The following NRXN3 variants were observed in gnomAD, a reference collection of about 807,000 sequenced individuals.
NRXN3 encodes neurexin III.
In NRXN3, 32 loss-of-function variants were observed where a neutral mutation model predicts 137.6. The ratio of observed to expected loss-of-function variants is 0.23; its 90% confidence interval spans 0.18 to 0.31. NRXN3 has a LOEUF of 0.31. Among genes scored for constraint, NRXN3 ranks in the 10% least tolerant of loss-of-function variants. The pLI, the probability that NRXN3 is intolerant of heterozygous loss-of-function variation, is 1.00. For missense variants in NRXN3, 1,574 were observed against 2,062.5 expected (o/e 0.76, Z 4.59); for synonymous variants, 798 against 784.5 (o/e 1.02, Z -0.29).
intron 15 of NRXN3, among the ~76,000 whole-genome samples, chr14:79,126,524 A>T (rs2056512827): frequency 6.6e-6 from 1 of 152,162 alleles, no homozygotes; most frequent in African/African-American, 2.4e-5. Flanking sequence ...TTATGGCTGC[A>T]TAGTGTTCCA....
chr14:79,695,097 T>C (rs1030127), intron 18 of NRXN3, among the ~76,000 whole-genome samples: 19,661 of 151,920 alleles, frequency 0.13, 1,575 homozygotes, highest in South Asian at 0.25. Context: ...CTGCCTTGCC[T>C]TTCCTGATGC....
chr14:78,475,079 T>A (rs948638342), intron 4 of NRXN3, among the ~76,000 whole-genome samples: 6 of 152,148 alleles, frequency 3.9e-5, no homozygotes, highest in Non-Finnish European at 7.3e-5. Flanking sequence ...ATCTATTTAA[T>A]CTCCAGTAGC....
chr14:79,084,936 A>C (rs957916175), intron 15 of NRXN3, among the ~76,000 whole-genome samples: 1 of 152,280 alleles, frequency 6.6e-6, no homozygotes, highest in South Asian at 2.1e-4. Context: ...GTTGGGGACC[A>C]TCTGTTAATG....
chr14:78,795,480 T>C (rs1019392665), intron 8 of NRXN3, among the ~76,000 whole-genome samples: 3 of 152,162 alleles, frequency 2.0e-5, no homozygotes, highest in African/African-American at 7.2e-5. Context: ...TCATTGATTA[T>C]TGAGATTGAA....
At chr14:79,098,124 C>T (rs1437901825) in intron 15 of NRXN3, among the ~76,000 whole-genome samples, 1 of 152,118 alleles carries the variant, frequency 6.6e-6, no homozygotes, top group East Asian at 1.9e-4. Flanking sequence ...CCATAATGGT[C>T]ACTTTGGCTA....
intron 1 of NRXN3, among the ~76,000 whole-genome samples, chr14:78,189,346 T>C (rs938592793): frequency 1.3e-5 from 2 of 152,196 alleles, no homozygotes; most frequent in Non-Finnish European, 2.9e-5. Flanking sequence ...CAGATCATGT[T>C]ATTCTGCTCA....
intron 19 of NRXN3, among the ~76,000 whole-genome samples, chr14:79,750,284 C>G (rs2098993197): frequency 6.6e-6 from 1 of 152,062 alleles, no homozygotes; most frequent in African/African-American, 2.4e-5. Flanking sequence ...CAATTTATTT[C>G]TATTTTTTTA....
intron 16 of NRXN3, among the ~76,000 whole-genome samples, chr14:79,551,118 G>T (rs2097368899): frequency 6.6e-6 from 1 of 152,172 alleles, no homozygotes; most frequent in African/African-American, 2.4e-5. Flanking sequence ...CTCAATCACA[G>T]TTATCTCCCA....
intron 15 of NRXN3, among the ~76,000 whole-genome samples, chr14:79,033,074 A>T (rs1463963062): frequency 6.6e-6 from 1 of 152,042 alleles, no homozygotes; most frequent in Non-Finnish European, 1.5e-5. Flanking sequence ...TGAGTTTCTT[A>T]GAACGTGTAC....
rs967044210 is a variant in NRXN3 at position 78,753,453 on chromosome 14, A to G, written c.2044+38314A>G. ...CTTAAGCTGGTGTCACCTTTACAGT[A>G]AGATATGTTACCTGAAAGAGCTTTT... On this transcript the variant is annotated intron_variant, in intron 8 of 20. Transcript: ENST00000335750. Among the ~76,000 whole-genome samples the G allele has an allele frequency of 3.7e-4, 57 of 152,154 alleles. 1 individual carries two copies. The highest frequency in any genetic ancestry group is 1.3e-3 in the African/African-American group (55 of 41,428).
rs35515937 is a variant in NRXN3, at chr14:79,316,729, C to CCTCTCTCTCTCTCTCT, written c.3263-150473_3263-150458dup. Among the ~76,000 whole-genome samples, 148 of 137,996 alleles carry CCTCTCTCTCTCTCTCT rather than the reference C, an allele frequency of 1.1e-3. 2 individuals carry two copies. The highest frequency in any genetic ancestry group is 3.8e-3 in the African/African-American group (137 of 35,858). The allele number at this position is 137,996 out of a possible 152,430, so 90.5% of individuals were successfully genotyped here. A position where few individuals can be genotyped will look rare whatever the true frequency, so the allele number is the denominator to read the frequency against. On this transcript the variant is annotated intron_variant, in intron 15 of 20. Transcript: ENST00000335750. ...TTATCATCATGTAATCTGTCCTGTC[C>CCTCTCTCTCTCTCTCT]CTCTCTCTCTCTCTCTCTCTCTCTC...
chr14:79,335,284 G>C (rs2153344974), intron 15 of NRXN3, among the ~76,000 whole-genome samples: 1 of 152,200 alleles, frequency 6.6e-6, no homozygotes, highest in African/African-American at 2.4e-5. Context: ...TGTGCAAGTA[G>C]CTGTGCTTGC....
chr14:79,693,029 C>A (rs2098721991), intron 18 of NRXN3, among the ~76,000 whole-genome samples: 2 of 152,030 alleles, frequency 1.3e-5, no homozygotes, highest in African/African-American at 2.4e-5. Flanking sequence ...ACAGCAGTCT[C>A]TGATTTGCTG....
At chr14:79,562,525 A>G (rs1392596259) in intron 16 of NRXN3, among the ~76,000 whole-genome samples, 1 of 152,206 alleles carries the variant, frequency 6.6e-6, no homozygotes, top group Non-Finnish European at 1.5e-5. Flanking sequence ...CAGTGTGTCA[A>G]CAAAAATGCT....
At chr14:78,644,135 GA>G (rs111868453) in intron 4 of NRXN3, among the ~76,000 whole-genome samples, 778 of 42,130 alleles carry the variant, frequency 0.018, 4 homozygotes, top group African/African-American at 0.044. Context: ...GCAAGACTCA[GA>G]AAAAAAAAAA....
chr14:79,746,045 G>A (rs1053847334), intron 19 of NRXN3, among the ~76,000 whole-genome samples: 4 of 152,096 alleles, frequency 2.6e-5, no homozygotes, highest in Non-Finnish European at 5.9e-5. Context: ...GCGGGGATTA[G>A]AACTTCAACA....
In NRXN3 at chr14:79,384,929, C is replaced by A. The variant is rs2094564596; in HGVS notation, c.3263-82292C>A. Among the ~76,000 whole-genome samples, 12 of 152,278 alleles carry A rather than the reference C, an allele frequency of 7.9e-5. No homozygotes were observed. The South Asian group carries it at 2.5e-3, about 32-fold the overall frequency. ...AACCATCAATAATTCTTAGCTTTTG[C>A]TATCATTCTTGCTACTGTTAATTAG... On this transcript the variant is annotated intron_variant, in intron 15 of 20. Coordinates refer to ENST00000335750, the MANE Select transcript of NRXN3 (RefSeq NM_001330195.2).
In NRXN3 at chr14:79,823,472, ATG is replaced by A; in HGVS notation, c.4093+18283_4093+18284del. 2.0e-5 allele frequency among the ~76,000 whole-genome samples: 3 copies of A among 152,284 alleles called. No homozygotes were observed. In the East Asian group the frequency reaches 5.8e-4, roughly 29 times the overall value. On this transcript the variant is annotated intron_variant, in intron 20 of 20. Coordinates refer to ENST00000335750, the MANE Select transcript of NRXN3 (RefSeq NM_001330195.2). ...ATGCCTATAGTTCCAGCTACTTGGGATGCTGAGGTGGGAGGATTGCTTGAGCC... is the reference window on the plus strand; with the variant it reads ...ATGCCTATAGTTCCAGCTACTTGGGACTGAGGTGGGAGGATTGCTTGAGCC...
At chr14:78,759,179 G>A (rs994104039) in intron 8 of NRXN3, among the ~76,000 whole-genome samples, 16 of 152,144 alleles carry the variant, frequency 1.1e-4, no homozygotes, top group African/African-American at 3.9e-4. Flanking sequence ...TGGGAAGACT[G>A]AGGCAATGCA....
Sources: gnomAD v4.1 joint callset for allele counts (sites outside exome capture counted in the v4.1 genomes callset) on GRCh38, gnomAD v4.1.1 for gene constraint, MANE v1.5 for transcripts, NCBI Gene and HGNC (gene_info 2026-07-23, HGNC 2026-07-21) for gene names.